PLEKHG5: variants seen among roughly 807,000 people sequenced by gnomAD.
PLEKHG5 encodes pleckstrin homology and RhoGEF domain containing G5.
In PLEKHG5, 52 loss-of-function variants were observed where a neutral mutation model predicts 103.8. The observed-to-expected ratio is 0.50, with a 90% CI of 0.40 to 0.63. The LOEUF (loss-of-function observed/expected upper bound fraction) is 0.63. PLEKHG5 is among the 30% of genes least tolerant of loss of function. The pLI is 0.00. For missense variants in PLEKHG5, 1,205 were observed against 1,347.6 expected (o/e 0.89, Z 1.66); for synonymous variants, 592 against 575.5 (o/e 1.03, Z -0.41).
intron 1 of PLEKHG5, among the ~76,000 whole-genome samples, chr1:6,517,373 C>G (rs1206301395): frequency 1.3e-5 from 2 of 151,190 alleles, no homozygotes; most frequent in Admixed American, 1.3e-4. Flanking sequence ...CTCTGCTGTT[C>G]ATGGGGTAGG....
At chr1:6,476,352 G>A (rs901218663) in intron 2 of PLEKHG5, among the ~76,000 whole-genome samples, 6 of 152,140 alleles carry the variant, frequency 3.9e-5, no homozygotes, top group Admixed American at 3.3e-4. Flanking sequence ...CACCACACCC[G>A]GCTCATTTTT....
chr1:6,469,769 G>A (rs1644513393), intron 16 of PLEKHG5, 93 bp from the exon 17 acceptor site: 1 of 1,186,302 alleles, frequency 8.4e-7, no homozygotes, highest in Non-Finnish European at 1.2e-6. Context: ...CTCGGTTTTT[G>A]TCAAACACTC....
At chr1:6,496,568 G>A (rs200424270), upstream of PLEKHG5, 102 of 1,566,626 alleles carry the variant, frequency 6.5e-5, no homozygotes, top group East Asian at 9.4e-5. Flanking sequence ...GGCTCTGGTC[G>A]TCTGCAGGGG....
intron 13 of PLEKHG5, 42 bp from the exon 14 acceptor site, chr1:6,470,926 C>T: frequency 6.5e-7 from 1 of 1,549,680 alleles, no homozygotes; most frequent in African/African-American, 1.4e-5. Context: ...CAGGCCCCGC[C>T]CCACCCGGCC....
intron 1 of PLEKHG5, among the ~76,000 whole-genome samples, chr1:6,480,398 C>T (rs1273464245): frequency 1.3e-5 from 2 of 151,654 alleles, no homozygotes; most frequent in African/African-American, 2.4e-5. Flanking sequence ...GTCGTGGCAG[C>T]GTACGCCTGT....
upstream of PLEKHG5, among the ~76,000 whole-genome samples, chr1:6,495,435 G>A (rs546536515): frequency 1.1e-3 from 172 of 152,292 alleles, no homozygotes; most frequent in African/African-American, 3.7e-3. Flanking sequence ...GGGGGGTGGG[G>A]GGTGGCATTT....
At chr1:6,479,423 A>G (rs1211507703) in intron 1 of PLEKHG5, among the ~76,000 whole-genome samples, 1 of 150,666 alleles carries the variant, frequency 6.6e-6, no homozygotes, top group Admixed American at 6.6e-5. Context: ...AGTAGCTGGG[A>G]CTACAGGCGC....
chr1:6,512,737 G>T (rs539463151), intron 1 of PLEKHG5, among the ~76,000 whole-genome samples: 1 of 152,170 alleles, frequency 6.6e-6, no homozygotes, highest in Admixed American at 6.5e-5. Flanking sequence ...GTCCCTCCCC[G>T]TCTCACATTT....
chr1:6,469,712 AGCAGGGTCAGG>A (rs1222420652), intron 16 of PLEKHG5, 36 bp from the exon 17 acceptor site: 1 of 1,607,466 alleles, frequency 6.2e-7, no homozygotes, highest in African/African-American at 1.3e-5. Flanking sequence ...CAGAGAGGCC[AGCAGGGTCAGG>A]GCCAGGGACT....
chr1:6,478,164 G>A (rs898718122), intron 1 of PLEKHG5, among the ~76,000 whole-genome samples: 8 of 152,134 alleles, frequency 5.3e-5, no homozygotes, highest in African/African-American at 9.6e-5. Flanking sequence ...GATTACAGGC[G>A]TGAGCCACCG....
upstream of PLEKHG5, chr1:6,497,355 C>CGG: frequency 9.3e-7 from 1 of 1,076,898 alleles, no homozygotes; most frequent in Non-Finnish European, 1.2e-6. The surrounding 1 kb of genome is among the most constrained non-coding windows in gnomAD (Gnocchi z 6.1). Flanking sequence ...GGGGGGCGGG[C>CGG]GGCGGGCGGG....
chr1:6,492,294 G>C (rs1645161658), upstream of PLEKHG5, among the ~76,000 whole-genome samples: 1 of 152,128 alleles, frequency 6.6e-6, no homozygotes, highest in African/African-American at 2.4e-5. Flanking sequence ...AGGGCCACAA[G>C]TGTCCTCCTC....
At chr1:6,488,534 T>A (rs1645082149) in intron 1 of PLEKHG5, among the ~76,000 whole-genome samples, 1 of 152,112 alleles carries the variant, frequency 6.6e-6, no homozygotes, top group Non-Finnish European at 1.5e-5. Flanking sequence ...TCACCAGAGG[T>A]CACCTGAGTG....
intron 1 of PLEKHG5, among the ~76,000 whole-genome samples, chr1:6,506,928 G>A (rs912662828): frequency 1.3e-4 from 20 of 152,232 alleles, no homozygotes; most frequent in Non-Finnish European, 2.5e-4. Context: ...CTAGGCAGCC[G>A]AACCTCTGGC....
chr1:6,509,484 C>A (rs993922113), intron 1 of PLEKHG5, among the ~76,000 whole-genome samples: 3 of 152,196 alleles, frequency 2.0e-5, no homozygotes, highest in Admixed American at 6.5e-5. Flanking sequence ...GAGTAAGGGG[C>A]CAAAAGAGGA....
chr1:6,493,822 ATTAT>A (rs1228603002), upstream of PLEKHG5, among the ~76,000 whole-genome samples: 4 of 151,902 alleles, frequency 2.6e-5, no homozygotes, highest in Non-Finnish European at 5.9e-5. Flanking sequence ...TGTCCGGCTA[ATTAT>A]TTTTTATATT....
rs1645137707 is a variant in PLEKHG5 at position 6,490,762 on chromosome 1, G to T, written c.-88+875C>A. On this transcript the variant is annotated intron_variant, in intron 1 of 20. Coordinates refer to ENST00000377728, the MANE Select transcript of PLEKHG5 (RefSeq NM_020631.6). This position sits in a 1 kb window ranked among gnomAD's most constrained non-coding sequence, Gnocchi z 8.0. ...GGTGGCTTGGGGTAATCCAGGATCCGGGCTCAGGGGAGGGGGTGGGGGGCG... is the reference window on the plus strand; with the variant it reads ...GGTGGCTTGGGGTAATCCAGGATCCTGGCTCAGGGGAGGGGGTGGGGGGCG... 6.6e-6 allele frequency among the ~76,000 whole-genome samples: 1 copy of T among 152,120 alleles called. No homozygotes were observed. Among genetic ancestry groups the T allele is most frequent in the South Asian group, 2.1e-4 (1 of 4,822 alleles).
rs946715565 is a variant in PLEKHG5 at position 6,479,180 on chromosome 1, T to C, written c.-87-1522A>G. Among the ~76,000 whole-genome samples the C allele has an allele frequency of 8.5e-5, 13 of 152,332 alleles. No individual in the cohort carries two copies. The Middle Eastern group carries it at 0.01, about 120-fold the overall frequency. ...ACTGAACCTTGATATATAGTCTATA[T>C]TGACATTTTCCCAAGTGTCTAAATA... is the stretch of plus-strand genomic sequence containing the variant. On this transcript the variant is annotated intron_variant, in intron 1 of 20. Transcript: ENST00000377728.
At position 6,467,695 on chromosome 1, in the gene PLEKHG5, C is replaced by T. The variant is rs1028955160; in HGVS notation, c.3012-123G>A. The T allele has an allele frequency of 1.7e-5, 25 of 1,451,428 alleles. No homozygotes were observed. In the African/African-American group the frequency reaches 1.8e-4, roughly 11 times the overall value. The allele number at this position is 1,451,428 out of a possible 1,614,324, so 89.9% of individuals were successfully genotyped here. On this transcript the variant is annotated intron_variant, in intron 20 of 20. Coordinates refer to ENST00000377728, the MANE Select transcript of PLEKHG5 (RefSeq NM_020631.6). ...CACTGCTGCCCACCACAGCCCCCTG[C>T]GCCCAGACACTGGGCAGGGTTCAGG...
Sources: gnomAD v4.1 joint callset for allele counts (sites outside exome capture counted in the v4.1 genomes callset) on GRCh38, gnomAD v4.1.1 for gene constraint, Gnocchi (gnomAD v3.1) non-coding constraint, MANE v1.5 for transcripts, NCBI Gene and HGNC (gene_info 2026-07-23, HGNC 2026-07-21) for gene names.